IMMP2L: variants seen among roughly 807,000 people sequenced by gnomAD.
IMMP2L encodes the protein mitochondrial inner membrane protease subunit 2.
A neutral mutation model predicts 19.3 loss-of-function variants in IMMP2L; 18 were observed. The ratio of observed to expected loss-of-function variants is 0.93; its 90% CI spans 0.64 to 1.38. IMMP2L has a LOEUF of 1.38. IMMP2L is among the 40% of genes most tolerant of loss of function. IMMP2L has a pLI of 0.00. For synonymous variants in IMMP2L, 76 were observed against 73.0 expected (o/e 1.04, Z -0.21); for missense variants, 233 against 218.2 (o/e 1.07, Z -0.43).
chr7:110,719,959 T>C (rs561509268), intron 5 of IMMP2L, among the ~76,000 whole-genome samples: 10 of 152,236 alleles, frequency 6.6e-5, no homozygotes, highest in Non-Finnish European at 1.3e-4. Context: ...CGATCCAATA[T>C]GTTCTTGCTC....
intron 3 of IMMP2L, among the ~76,000 whole-genome samples, chr7:111,241,285 A>G (rs976255490): frequency 6.6e-6 from 1 of 152,018 alleles, no homozygotes; most frequent in African/African-American, 2.4e-5. Context: ...TGAAGTTAAA[A>G]TAGATCTTTA....
chr7:111,465,433 T>G (rs1200217696), intron 3 of IMMP2L, among the ~76,000 whole-genome samples: 1 of 149,440 alleles, frequency 6.7e-6, no homozygotes, highest in Non-Finnish European at 1.5e-5. Flanking sequence ...TCCCAAAATA[T>G]GTGTACTTAG....
intron 3 of IMMP2L, among the ~76,000 whole-genome samples, chr7:111,451,307 C>T: frequency 6.6e-6 from 1 of 150,652 alleles, no homozygotes; most frequent in Middle Eastern, 3.2e-3. Flanking sequence ...GACTTGGAAC[C>T]AACCCAAATG....
At chr7:111,070,993 G>T (rs547039901) in intron 3 of IMMP2L, among the ~76,000 whole-genome samples, 5 of 152,000 alleles carry the variant, frequency 3.3e-5, no homozygotes, top group Non-Finnish European at 7.4e-5. Context: ...AAAGTTTATA[G>T]CTTGTAAAGA....
intron 5 of IMMP2L, among the ~76,000 whole-genome samples, chr7:110,774,744 T>C (rs765806974): frequency 7.9e-5 from 12 of 152,064 alleles, no homozygotes; most frequent in Non-Finnish European, 1.8e-4. Flanking sequence ...CTATACTGTA[T>C]AGCCTAGGTG....
At chr7:111,381,787 C>T (rs2131229653) in intron 3 of IMMP2L, among the ~76,000 whole-genome samples, 1 of 152,056 alleles carries the variant, frequency 6.6e-6, no homozygotes, top group African/African-American at 2.4e-5. Flanking sequence ...CATTCAAACA[C>T]ATCATTATTG....
At chr7:110,755,373 A>G (rs1797977871) in intron 5 of IMMP2L, among the ~76,000 whole-genome samples, 1 of 152,158 alleles carries the variant, frequency 6.6e-6, no homozygotes, top group South Asian at 2.1e-4. Flanking sequence ...AAAAGTTAAC[A>G]GACTGGTTAT....
chr7:110,959,586 A>G (rs951767570), intron 4 of IMMP2L, among the ~76,000 whole-genome samples: 3 of 151,966 alleles, frequency 2.0e-5, no homozygotes, highest in Admixed American at 2.0e-4. Context: ...TCAAAGGGAA[A>G]GAAGTTTTTA....
At chr7:111,559,322 C>T (rs1329126098) in intron 1 of IMMP2L, among the ~76,000 whole-genome samples, 2 of 152,190 alleles carry the variant, frequency 1.3e-5, no homozygotes, top group East Asian at 1.9e-4. Flanking sequence ...ACAGTTTGGA[C>T]ATGAAGCATC....
At chr7:111,416,946 T>C (rs1835006988) in intron 3 of IMMP2L, among the ~76,000 whole-genome samples, 1 of 151,626 alleles carries the variant, frequency 6.6e-6, no homozygotes, top group Non-Finnish European at 1.5e-5. Flanking sequence ...ATATATACTA[T>C]CCAATACAGT....
At chr7:111,207,892 G>T (rs894697430) in intron 3 of IMMP2L, among the ~76,000 whole-genome samples, 4 of 151,902 alleles carry the variant, frequency 2.6e-5, no homozygotes, top group Non-Finnish European at 5.9e-5. Context: ...CTTTTTGTTT[G>T]TCTACAAAAT....
chr7:110,885,726 C>T (rs1038230616), intron 5 of IMMP2L, among the ~76,000 whole-genome samples: 3 of 151,958 alleles, frequency 2.0e-5, no homozygotes, highest in Non-Finnish European at 4.4e-5. Flanking sequence ...AGGCACTTGA[C>T]AAACAGCAGA....
chr7:111,125,243 C>T (rs913706579), intron 3 of IMMP2L: 9 of 206,694 alleles, frequency 4.4e-5, no homozygotes, highest in Non-Finnish European at 8.5e-5. Context: ...CTGAGCAATA[C>T]CTCCTCCTGT....
At chr7:110,668,164 T>A (rs1465056633) in intron 5 of IMMP2L, among the ~76,000 whole-genome samples, 1 of 152,182 alleles carries the variant, frequency 6.6e-6, no homozygotes, top group Admixed American at 6.5e-5. Flanking sequence ...GATTACTCAG[T>A]TGGGGAATCT....
chr7:111,228,300 C>T (rs915292102), intron 3 of IMMP2L, among the ~76,000 whole-genome samples: 8 of 151,904 alleles, frequency 5.3e-5, no homozygotes, highest in African/African-American at 1.9e-4. Context: ...TGGAATACAA[C>T]ATGTGTCTGG....
At position 111,016,710 on chromosome 7, in the gene IMMP2L, TTATA is replaced by T. The variant is rs1261618457; in HGVS notation, c.240-53149_240-53146del. Among the ~76,000 whole-genome samples the T allele has an allele frequency of 3.0e-5, 3 of 99,302 alleles. No individual in the cohort carries two copies. In the South Asian group the frequency reaches 8.8e-4, roughly 29 times the overall value. The allele number at this position is 99,302 out of a possible 152,430, so 65.1% of individuals were successfully genotyped here. A position where few individuals can be genotyped will look rare whatever the true frequency, so the allele number is the denominator to read the frequency against. ...TTATATTTCTATATTATATATAATT[TTATA>T]TATATTTATATATAAAATATATATA... On this transcript the variant is annotated intron_variant, in intron 3 of 5. Transcript: ENST00000405709.
chr7:111,042,428 G>A (rs1388897852), intron 3 of IMMP2L, among the ~76,000 whole-genome samples: 1 of 152,136 alleles, frequency 6.6e-6, no homozygotes, highest in Non-Finnish European at 1.5e-5. Context: ...AGATCCACCC[G>A]CCTCAGCCTC....
intron 3 of IMMP2L, among the ~76,000 whole-genome samples, chr7:111,059,922 T>TG (rs1793864522): frequency 9.9e-6 from 1 of 101,190 alleles, no homozygotes; most frequent in Admixed American, 9.8e-5. Flanking sequence ...TGCCTAATTG[T>TG]GAAAAAAAAA....
intron 3 of IMMP2L, among the ~76,000 whole-genome samples, chr7:111,094,125 T>A (rs180843013): frequency 6.6e-6 from 1 of 152,278 alleles, no homozygotes; most frequent in Admixed American, 6.5e-5. Context: ...GGGTTTGATG[T>A]TTCACTCCTC....
Sources: allele counts gnomAD v4.1 joint callset (sites outside exome capture counted in the v4.1 genomes callset), GRCh38; gene constraint gnomAD v4.1.1; transcripts MANE v1.5; gene names NCBI Gene and HGNC (gene_info 2026-07-23, HGNC 2026-07-21).